Variants in SLC15A5 observed in about 807,000 individuals in gnomAD.
SLC15A5 encodes Peptide/histidine transporter ENSP00000340402.
SLC15A5 carries 58 observed loss-of-function variants against 56.1 expected under a neutral mutation model. The ratio of observed to expected loss-of-function variants is 1.03; its 90% CI spans 0.84 to 1.29. SLC15A5 has a LOEUF of 1.29. SLC15A5 is among the 50% of genes most tolerant of loss of function. The pLI is 0.00. For missense variants in SLC15A5, 681 were observed against 672.1 expected, an observed-to-expected ratio of 1.01 and a Z score of -0.15; for synonymous variants, 264 against 250.5, an observed-to-expected ratio of 1.05 and a Z score of -0.51.
rs1864363129 is a variant in SLC15A5 at position 16,237,466 on chromosome 12, A to C, written c.1162+2215T>G. 6.6e-6 allele frequency among the ~76,000 whole-genome samples: 1 copy of C among 152,170 alleles called. No individual in the cohort carries two copies. The highest frequency in any genetic ancestry group is 2.1e-4 in the South Asian group (1 of 4,826). On this transcript the variant is annotated intron_variant, in intron 5 of 8. Coordinates refer to ENST00000344941, the MANE Select transcript of SLC15A5 (RefSeq NM_001170798.1). This position sits in a 1 kb window ranked among gnomAD's most constrained non-coding sequence, Gnocchi z 4.1. The stretch of plus-strand genomic sequence containing the variant: ...TCTAGTTTTTCCTTTTTCCTGTGCA[A>C]TAGGTCTTGTTACCAATCTTGAAGG...
At chr12:16,216,790 TA>T in intron 7 of SLC15A5, 102 bp downstream of exon 7, 15 of 998,170 alleles carry the variant, frequency 1.5e-5, no homozygotes, top group Admixed American at 3.4e-5. Flanking sequence ...GTGGATCAAT[TA>T]AAAAAAGACT....
chr12:16,266,428 CT>C (rs1864697045), intron 2 of SLC15A5, among the ~76,000 whole-genome samples: 1 of 152,160 alleles, frequency 6.6e-6, no homozygotes, highest in South Asian at 2.1e-4. Context: ...AGACTTAAAT[CT>C]TGTGAAATGT....
chr12:16,272,772 A>G lies in SLC15A5; in HGVS notation c.373T>C (p.Leu125=). 6.5e-7 allele frequency: 1 copy of G among 1,537,086 alleles called. No homozygotes were observed. Among genetic ancestry groups the G allele is most frequent in the Non-Finnish European group, 8.7e-7 (1 of 1,146,624 alleles). The change falls in exon 2 of 9, where the codon TTA becomes CTA. Residue 125 remains leucine (L), a synonymous_variant. Transcript: ENST00000344941. ...LFLHFLGTAL[L]SVVAFPLEDF... is the part of the protein sequence containing the mutation. Reference sequence around the variant, plus strand: ...TCCAAGGGAAAAGCCACCACAGATAACAAAGCAGTGCCTGTAGGTGGAGAA... The same window carrying G: ...TCCAAGGGAAAAGCCACCACAGATAGCAAAGCAGTGCCTGTAGGTGGAGAA...
At chr12:16,242,234 CA>C (rs1209736558) in intron 4 of SLC15A5, among the ~76,000 whole-genome samples, 1 of 152,104 alleles carries the variant, frequency 6.6e-6, no homozygotes, top group Non-Finnish European at 1.5e-5. Context: ...CATCTGGGGG[CA>C]AAAAACTAAA....
chr12:16,191,434 C>T (rs1465082353), intron 8 of SLC15A5, among the ~76,000 whole-genome samples: 1 of 151,936 alleles, frequency 6.6e-6, no homozygotes, highest in African/African-American at 2.4e-5. Flanking sequence ...GTTGGGACTG[C>T]CTTGTTCTTG....
intron 7 of SLC15A5, among the ~76,000 whole-genome samples, chr12:16,203,327 AAGT>A (rs1185620730): frequency 6.6e-6 from 1 of 152,200 alleles, no homozygotes; most frequent in Non-Finnish European, 1.5e-5. Flanking sequence ...TTCACGGAAA[AAGT>A]AGATCTTTTC....
intron 5 of SLC15A5, among the ~76,000 whole-genome samples, chr12:16,234,323 A>C (rs1359271372): frequency 3.9e-5 from 6 of 152,226 alleles, no homozygotes; most frequent in Non-Finnish European, 8.8e-5. Context: ...GGGAACAAAA[A>C]CATACAAACC....
At chr12:16,256,368 A>C (rs1864571811) in intron 3 of SLC15A5, among the ~76,000 whole-genome samples, 1 of 152,226 alleles carries the variant, frequency 6.6e-6, no homozygotes, top group African/African-American at 2.4e-5. Context: ...CTGCAAAAAC[A>C]GACATTATGC....
At chr12:16,213,567 GCTA>G (rs1864103223) in intron 7 of SLC15A5, among the ~76,000 whole-genome samples, 1 of 152,148 alleles carries the variant, frequency 6.6e-6, no homozygotes, top group African/African-American at 2.4e-5. Flanking sequence ...ACTAGATTAT[GCTA>G]CTACATCTTC....
chr12:16,224,287 G>A (rs1864216925), intron 6 of SLC15A5, 127 bp downstream of exon 6: 1 of 777,036 alleles, frequency 1.3e-6, no homozygotes, highest in Non-Finnish European at 1.9e-6. Context: ...AAATTTGCTG[G>A]AAGTATTGTG....
intron 2 of SLC15A5, among the ~76,000 whole-genome samples, 194 bp downstream of exon 2, chr12:16,272,367 T>C (rs902744802): frequency 6.6e-6 from 1 of 152,124 alleles, no homozygotes; most frequent in African/African-American, 2.4e-5. Flanking sequence ...GGGAAGGTGC[T>C]GGTGAGTTGT....
intron 3 of SLC15A5, among the ~76,000 whole-genome samples, chr12:16,249,525 T>G (rs535803515): frequency 6.9e-4 from 105 of 152,254 alleles, no homozygotes; most frequent in African/African-American, 2.3e-3. Flanking sequence ...GCATTTTCTA[T>G]GCTAATTGTT....
At chr12:16,199,243 T>C (rs1203962544) in intron 7 of SLC15A5, among the ~76,000 whole-genome samples, 1 of 147,998 alleles carries the variant, frequency 6.8e-6, no homozygotes, top group Non-Finnish European at 1.5e-5. Flanking sequence ...GTATTTTCCT[T>C]TCCCAGGCTG....
At chr12:16,259,846 T>C (rs1864622999) in intron 2 of SLC15A5, among the ~76,000 whole-genome samples, 1 of 150,122 alleles carries the variant, frequency 6.7e-6, no homozygotes, top group Admixed American at 6.7e-5. Context: ...CTGCATACTT[T>C]CTGGTTGAGA....
intron 2 of SLC15A5, among the ~76,000 whole-genome samples, chr12:16,258,345 A>T (rs1266179787): frequency 4.6e-5 from 7 of 152,216 alleles, no homozygotes; most frequent in Admixed American, 3.9e-4. Context: ...TATCTGGGTT[A>T]TACTTAGAAT....
intron 6 of SLC15A5, among the ~76,000 whole-genome samples, chr12:16,222,580 C>G (rs933322141): frequency 6.6e-6 from 1 of 152,162 alleles, no homozygotes; most frequent in Non-Finnish European, 1.5e-5. Context: ...AGACCAAATT[C>G]TTTCAGTCCC....
At position 16,244,777 on chromosome 12, in the gene SLC15A5, C is replaced by T. The variant is rs1864446196; in HGVS notation, c.778G>A (p.Gly260Arg). The T allele has an allele frequency of 3.3e-6, 5 of 1,537,744 alleles. No individual in the cohort carries two copies. The highest frequency in any genetic ancestry group is 3.9e-5 in the Admixed American group (2 of 50,990). ...EKRCSLLTGV[G>R]VLVSALKTCH... ...GTTTTCAGTGCACTAACCAACACCCCAACGCCTGTCAGGAGAGAACAACCT... is the reference window on the plus strand; with the variant it reads ...GTTTTCAGTGCACTAACCAACACCCTAACGCCTGTCAGGAGAGAACAACCT... Residue 260 changes from glycine to arginine, a missense_variant, in exon 4 of 9, where the codon GGG (glycine) becomes AGG (arginine). Physicochemically the swap from Gly to Arg is moderately radical, Grantham distance 125. Coordinates refer to ENST00000344941, the MANE Select transcript of SLC15A5 (RefSeq NM_001170798.1).
At chr12:16,251,075 A>T (rs1163062632) in intron 3 of SLC15A5, among the ~76,000 whole-genome samples, 2 of 151,946 alleles carry the variant, frequency 1.3e-5, no homozygotes, top group Non-Finnish European at 2.9e-5. Flanking sequence ...ATACAAAACA[A>T]CCTATTCTTA....
chr12:16,191,672 C>G (rs148512767), intron 8 of SLC15A5, among the ~76,000 whole-genome samples: 1 of 152,032 alleles, frequency 6.6e-6, no homozygotes, highest in Non-Finnish European at 1.5e-5. Context: ...CGGAATCATG[C>G]GCTCCTCACT....
Sources: gnomAD v4.1 joint callset for allele counts (sites outside exome capture counted in the v4.1 genomes callset) on GRCh38, gnomAD v4.1.1 for gene constraint, Gnocchi (gnomAD v3.1) non-coding constraint, MANE v1.5 for transcripts, NCBI Gene and HGNC (gene_info 2026-07-23, HGNC 2026-07-21) for gene names.